CLASP1: variants seen among roughly 807,000 people sequenced by gnomAD.
CLASP1 encodes the protein cytoplasmic linker associated protein 1, also known as CLIP-associating protein 1.
In CLASP1, 38 loss-of-function variants were observed where a neutral mutation model predicts 192.3. The observed-to-expected ratio is 0.20, with a 90% CI of 0.15 to 0.26. The LOEUF is 0.26. Among genes scored for constraint, CLASP1 ranks in the 10% least tolerant of loss-of-function variants. CLASP1 has a pLI of 1.00. For synonymous variants in CLASP1, 691 were observed against 712.8 expected, an observed-to-expected ratio of 0.97 and a Z score of 0.49; for missense variants, 1,433 against 1,932.5, an observed-to-expected ratio of 0.74 and a Z score of 4.85.
chr2:121,462,749 T>A, intron 9 of CLASP1, 144 bp from the exon 10 acceptor site: 1 of 609,284 alleles, frequency 1.6e-6, no homozygotes, highest in Non-Finnish European at 2.9e-6. Flanking sequence ...AACTTTGAAG[T>A]GTCATGAAAT....
chr2:121,513,398 G>C (rs2094197119), intron 7 of CLASP1, among the ~76,000 whole-genome samples: 3 of 152,080 alleles, frequency 2.0e-5, no homozygotes, highest in African/African-American at 4.8e-5. Context: ...TCTATTCAGA[G>C]GTCCAAGTTC....
At chr2:121,595,728 A>G (rs2063054992) in intron 2 of CLASP1, among the ~76,000 whole-genome samples, 1 of 152,246 alleles carries the variant, frequency 6.6e-6, no homozygotes, top group African/African-American at 2.4e-5. Context: ...TTATTACAAG[A>G]GACCCAAGGC....
chr2:121,347,162 G>A lies in CLASP1; in HGVS notation c.4414-8C>T. The A allele has an allele frequency of 6.5e-7, 1 of 1,544,992 alleles. No homozygotes were observed. The highest frequency in any genetic ancestry group is 8.8e-7 in the Non-Finnish European group (1 of 1,136,368). The stretch of plus-strand genomic sequence containing the variant: ...TTCGGTGTTGTCATAACCCTAGAGA[G>A]CCAGAAGGGAACACGAAAAGGAAAC... On this transcript the variant is annotated splice_polypyrimidine_tract_variant and splice_region_variant and intron_variant, in intron 38 of 39. Transcript: ENST00000263710.
chr2:121,442,481 C>CTTTTTTT (rs761873166), intron 19 of CLASP1, among the ~76,000 whole-genome samples: 1 of 144,404 alleles, frequency 6.9e-6, no homozygotes, highest in Non-Finnish European at 1.5e-5. Flanking sequence ...AAATTTCTTT[C>CTTTTTTT]TTTTTTTTTT....
intron 1 of CLASP1, among the ~76,000 whole-genome samples, chr2:121,615,933 T>C (rs1576491667): frequency 6.6e-6 from 1 of 152,192 alleles, no homozygotes; most frequent in Admixed American, 6.5e-5. Flanking sequence ...CTTTTCACTA[T>C]ACTACAGCTT....
At chr2:121,581,257 G>GTTT (rs1429061024) in intron 2 of CLASP1, among the ~76,000 whole-genome samples, 5 of 91,680 alleles carry the variant, frequency 5.5e-5, no homozygotes, top group South Asian at 3.5e-4. Context: ...AAGGCCTTTT[G>GTTT]TTCTTTTTTT....
intron 2 of CLASP1, among the ~76,000 whole-genome samples, chr2:121,579,913 C>CT (rs1348494388): frequency 1.3e-5 from 2 of 152,178 alleles, no homozygotes; most frequent in Non-Finnish European, 2.9e-5. Flanking sequence ...TTAAAACAAG[C>CT]TAAATTCATA....
At chr2:121,381,117 T>A (rs148614706) in intron 33 of CLASP1, among the ~76,000 whole-genome samples, 123 of 152,276 alleles carry the variant, frequency 8.1e-4, no homozygotes, top group African/African-American at 2.9e-3. Flanking sequence ...CTAGAAACAT[T>A]CATCGCAGGG....
rs995478569 is a variant in CLASP1 at position 121,605,988 on chromosome 2, G to A, written c.-93C>T. 3.0e-5 allele frequency: 33 copies of A among 1,092,896 alleles called. No individual in the cohort carries two copies. Among genetic ancestry groups the A allele is most frequent in the Non-Finnish European group, 4.1e-5 (31 of 758,280 alleles). 67.7% of individuals were successfully genotyped at this position (1,092,896 alleles called of 1,614,324 possible). A position where few individuals can be genotyped will look rare whatever the true frequency, so the allele number is the denominator to read the frequency against. On this transcript the variant is annotated 5_prime_UTR_variant, in exon 2 of 40. An upstream open reading frame in the 5' UTR gains an earlier in-frame stop. Coordinates refer to ENST00000263710, the Ensembl canonical transcript of CLASP1. The stretch of plus-strand genomic sequence containing the variant: ...TATCTGGGAGGTTGCCTCTTTGTTC[G>A]CTGAAGGTTACTAAGAGCCTGTGTT...
intron 2 of CLASP1, among the ~76,000 whole-genome samples, chr2:121,591,965 T>C (rs2062451829): frequency 6.6e-6 from 1 of 152,310 alleles, no homozygotes; most frequent in East Asian, 1.9e-4. Flanking sequence ...TTCGAGCCAT[T>C]TTCATCTGAT....
At chr2:121,580,282 G>A (rs2060979074) in intron 2 of CLASP1, among the ~76,000 whole-genome samples, 2 of 152,148 alleles carry the variant, frequency 1.3e-5, no homozygotes, top group South Asian at 4.1e-4. Context: ...ATTTCTTCAT[G>A]TAGCAGACAA....
At chr2:121,566,870 AC>A (rs1576053186) in intron 2 of CLASP1, among the ~76,000 whole-genome samples, 3 of 152,240 alleles carry the variant, frequency 2.0e-5, no homozygotes, top group Admixed American at 2.0e-4. Context: ...AACTTGGAAC[AC>A]CCTAGAAGCC....
At chr2:121,528,740 G>A in exon 4 of CLASP1, 1 of 1,614,030 alleles carries the variant, frequency 6.2e-7, no homozygotes, top group Non-Finnish European at 8.5e-7. Flanking sequence ...CCCTCACAGA[G>A]TCTTTAGCAT....
At chr2:121,355,025 C>G (rs186375887) in intron 37 of CLASP1, among the ~76,000 whole-genome samples, 2 of 152,302 alleles carry the variant, frequency 1.3e-5, no homozygotes, top group Admixed American at 1.3e-4. Flanking sequence ...CTACAGAGAG[C>G]TGCTGGGAAA....
intron 7 of CLASP1, among the ~76,000 whole-genome samples, chr2:121,504,478 T>C (rs2093876107): frequency 6.6e-6 from 1 of 152,156 alleles, no homozygotes; most frequent in African/African-American, 2.4e-5. Flanking sequence ...AAACACTATG[T>C]ATGCCATGCA....
chr2:121,613,842 A>ATT (rs1378880253), intron 1 of CLASP1, among the ~76,000 whole-genome samples: 7 of 152,200 alleles, frequency 4.6e-5, no homozygotes, highest in Admixed American at 1.3e-4. Flanking sequence ...ACAATAATGA[A>ATT]TTAATATTTC....
At chr2:121,528,652 C>G in intron 4 of CLASP1, 25 bp downstream of exon 4, 1 of 1,607,238 alleles carries the variant, frequency 6.2e-7, no homozygotes, top group Non-Finnish European at 8.5e-7. Flanking sequence ...GCCAGCTGAC[C>G]TCAAAACACA....
At chr2:121,585,332 G>A (rs183351077) in intron 2 of CLASP1, among the ~76,000 whole-genome samples, 1 of 152,174 alleles carries the variant, frequency 6.6e-6, no homozygotes, top group South Asian at 2.1e-4. Flanking sequence ...TGTAGCTTGA[G>A]AGCATTTGTC....
intron 12 of CLASP1, 30 bp downstream of exon 12, chr2:121,459,950 G>A (rs1269855697): frequency 1.3e-6 from 2 of 1,582,652 alleles, no homozygotes; most frequent in African/African-American, 2.7e-5. Context: ...ACTATTTTAT[G>A]GTGAGAATAT....
Sources: gnomAD v4.1 joint callset for allele counts (sites outside exome capture counted in the v4.1 genomes callset) on GRCh38, gnomAD v4.1.1 for gene constraint, MANE v1.5 for transcripts, NCBI Gene and HGNC (gene_info 2026-07-23, HGNC 2026-07-21) for gene names.